CCDC170: variants seen among roughly 807,000 people sequenced by gnomAD.
CCDC170 encodes coiled-coil domain containing 170.
A neutral mutation model predicts 72.6 loss-of-function variants in CCDC170; 69 were observed. The observed-to-expected ratio is 0.95, with a 90% CI of 0.78 to 1.16. The LOEUF (loss-of-function observed/expected upper bound fraction) is 1.16, where lower values mean the gene tolerates loss of function less well. CCDC170 is among the 50% of genes most tolerant of loss of function. The probability of loss-of-function intolerance (pLI) is 0.00; values close to 1 mark genes in which losing one functional copy is unlikely to be tolerated. For missense variants in CCDC170, 852 were observed against 832.5 expected, an observed-to-expected ratio of 1.02 and a Z score of -0.29; for synonymous variants, 300 against 303.9, an observed-to-expected ratio of 0.99 and a Z score of 0.13.
chr6:151,574,516 A>G (rs754015718), intron 6 of CCDC170, among the ~76,000 whole-genome samples: 33 of 152,194 alleles, frequency 2.2e-4, no homozygotes, highest in Non-Finnish European at 4.6e-4. Flanking sequence ...GAGCTTAGAA[A>G]GGTAATGCAG....
At chr6:151,616,769 CACA>C (rs1776974612) in intron 10 of CCDC170, among the ~76,000 whole-genome samples, 1 of 152,144 alleles carries the variant, frequency 6.6e-6, no homozygotes, top group Non-Finnish European at 1.5e-5. Flanking sequence ...GTGAGCACAG[CACA>C]GCTTCCTGGT....
rs545165598 is a variant in CCDC170 at position 151,516,511 on chromosome 6, T to C, written c.58-19807T>C. 1.9e-3 allele frequency among the ~76,000 whole-genome samples: 283 copies of C among 152,282 alleles called. 1 individual carries two copies. The highest frequency in any genetic ancestry group is 6.8e-3 in the African/African-American group (281 of 41,556). On this transcript the variant is annotated intron_variant, in intron 1 of 10. Coordinates refer to ENST00000239374, the MANE Select transcript of CCDC170 (RefSeq NM_025059.4). The stretch of plus-strand genomic sequence containing the variant: ...TACCATGAGGTCCTAGTAAATCATG[T>C]TGAAGCGGTGTTGTTGTCTAGGGTA...
At chr6:151,609,465 C>T (rs1583050193) in intron 9 of CCDC170, among the ~76,000 whole-genome samples, 1 of 152,242 alleles carries the variant, frequency 6.6e-6, no homozygotes, top group East Asian at 1.9e-4. Context: ...GGGTCTTTGG[C>T]CCTTATAACA....
At chr6:151,599,568 G>A (rs1286483612) in intron 9 of CCDC170, among the ~76,000 whole-genome samples, 1 of 152,160 alleles carries the variant, frequency 6.6e-6, no homozygotes, top group Non-Finnish European at 1.5e-5. Context: ...AGCCTTATGT[G>A]TCACACTAAG....
At chr6:151,509,222 G>GTATCTATCTATC (rs59062141) in intron 1 of CCDC170, among the ~76,000 whole-genome samples, 97 of 127,416 alleles carry the variant, frequency 7.6e-4, no homozygotes, top group East Asian at 1.0e-3. Flanking sequence ...ATCTATCTAT[G>GTATCTATCTATC]TATCTATCTA....
intron 7 of CCDC170, among the ~76,000 whole-genome samples, chr6:151,590,185 C>T (rs1776513335): frequency 6.6e-6 from 1 of 152,154 alleles, no homozygotes; most frequent in African/African-American, 2.4e-5. Flanking sequence ...GTACTTTTTA[C>T]CATTATTGGA....
At chr6:151,575,655 G>A (rs1776292242) in intron 6 of CCDC170, among the ~76,000 whole-genome samples, 2 of 142,422 alleles carry the variant, frequency 1.4e-5, no homozygotes, top group African/African-American at 5.2e-5. Flanking sequence ...TCAGCCTACC[G>A]AGTAGCTGGG....
intron 1 of CCDC170, among the ~76,000 whole-genome samples, chr6:151,504,180 G>A (rs1352562252): frequency 1.3e-5 from 2 of 152,106 alleles, no homozygotes; most frequent in Admixed American, 6.6e-5. Context: ...TGTAATATAC[G>A]CATAGAGAAA....
chr6:151,581,579 G>C (rs1776379989), intron 6 of CCDC170, among the ~76,000 whole-genome samples: 1 of 152,120 alleles, frequency 6.6e-6, no homozygotes, highest in African/African-American at 2.4e-5. Context: ...ATGTTATTTT[G>C]ACCTCCTCTT....
intron 5 of CCDC170, among the ~76,000 whole-genome samples, chr6:151,572,749 A>G (rs1776241860): frequency 7.0e-6 from 1 of 143,666 alleles, no homozygotes; most frequent in Admixed American, 7.5e-5. Context: ...TCCCAGGTTC[A>G]AGCAATTCTC....
At chr6:151,588,042 C>T (rs1002273001) in intron 7 of CCDC170, among the ~76,000 whole-genome samples, 9 of 152,110 alleles carry the variant, frequency 5.9e-5, no homozygotes, top group East Asian at 1.9e-4. Context: ...TGATACTTGG[C>T]GAAACCAAAG....
chr6:151,614,092 C>CT (rs926105089), intron 9 of CCDC170, among the ~76,000 whole-genome samples: 2 of 151,874 alleles, frequency 1.3e-5, no homozygotes, highest in African/African-American at 4.8e-5. Context: ...GCTTCAAATT[C>CT]TTTTTTTTAT....
chr6:151,600,038 C>T (rs1034622414), intron 9 of CCDC170, among the ~76,000 whole-genome samples: 2 of 152,244 alleles, frequency 1.3e-5, no homozygotes, highest in African/African-American at 2.4e-5. Context: ...TTACTCGGGC[C>T]CCTACACATT....
intron 5 of CCDC170, among the ~76,000 whole-genome samples, chr6:151,569,882 T>C (rs1776194681): frequency 6.6e-6 from 1 of 152,080 alleles, no homozygotes; most frequent in Non-Finnish European, 1.5e-5. Flanking sequence ...CAGCTTAGGG[T>C]TCACTGAGCT....
At chr6:151,576,132 T>G (rs1301442559) in intron 6 of CCDC170, among the ~76,000 whole-genome samples, 1 of 152,234 alleles carries the variant, frequency 6.6e-6, no homozygotes, top group Non-Finnish European at 1.5e-5. Flanking sequence ...TGAGTGTGCA[T>G]GCAGCCATCC....
intron 1 of CCDC170, among the ~76,000 whole-genome samples, chr6:151,510,332 C>T (rs538084743): frequency 2.6e-5 from 4 of 151,982 alleles, no homozygotes; most frequent in South Asian, 2.1e-4. Flanking sequence ...AAAGAGCTTC[C>T]GAGAAAAATT....
rs144293726 is a variant in CCDC170 at position 151,541,457 on chromosome 6, T to G, written c.444-3115T>G. Among the ~76,000 whole-genome samples the G allele has an allele frequency of 2.5e-3, 374 of 152,222 alleles. 2 individuals are homozygous for G. Among genetic ancestry groups the G allele is most frequent in the African/African-American group, 8.7e-3 (362 of 41,530 alleles). The stretch of plus-strand genomic sequence containing the variant: ...GCCTAAAATTCCTGGGTTCAAGTGA[T>G]CCTCTCACCTCAGCCTCCCTAGTAG... On this transcript the variant is annotated intron_variant, in intron 3 of 10. Coordinates refer to ENST00000239374, the MANE Select transcript of CCDC170 (RefSeq NM_025059.4).
intron 5 of CCDC170, among the ~76,000 whole-genome samples, chr6:151,563,752 G>A (rs557064885): frequency 9.2e-5 from 14 of 152,294 alleles, no homozygotes; most frequent in African/African-American, 3.1e-4. Flanking sequence ...GGGCAGAGGG[G>A]CTCACCAGCA....
intron 1 of CCDC170, among the ~76,000 whole-genome samples, chr6:151,517,225 G>C (rs551424251): frequency 6.6e-6 from 1 of 151,980 alleles, no homozygotes; most frequent in Admixed American, 6.6e-5. Flanking sequence ...CCATCTACTC[G>C]GGAGGCTGAG....
Sources: allele counts gnomAD v4.1 joint callset (sites outside exome capture counted in the v4.1 genomes callset), GRCh38; gene constraint gnomAD v4.1.1; transcripts MANE v1.5; gene names NCBI Gene and HGNC (gene_info 2026-07-23, HGNC 2026-07-21).